The following MARCHF1 variants were observed in gnomAD, a reference collection of about 807,000 sequenced individuals.
MARCHF1 encodes membrane associated ring-CH-type finger 1.
In MARCHF1, 40 loss-of-function variants were observed where a neutral mutation model predicts 54.2. The observed-to-expected ratio is 0.74, with a 90% CI of 0.57 to 0.96. MARCHF1 has a LOEUF of 0.96. Ranked by LOEUF, MARCHF1 falls within the 40% of genes least tolerant of loss-of-function variation. The probability of loss-of-function intolerance (pLI) is 0.00; values close to 1 mark genes in which losing one functional copy is unlikely to be tolerated. For missense variants in MARCHF1, 586 were observed against 656.5 expected (o/e 0.89, Z 1.17); for synonymous variants, 236 against 236.3 (o/e 1.00, Z 0.01).
chr4:164,020,290 T>C (rs1436464498), intron 2 of MARCHF1, among the ~76,000 whole-genome samples: 2 of 152,190 alleles, frequency 1.3e-5, no homozygotes, highest in Non-Finnish European at 2.9e-5. Context: ...GATCTAGTGA[T>C]GTTATACCAA....
chr4:164,016,321 C>G (rs1334346872), intron 2 of MARCHF1, among the ~76,000 whole-genome samples: 1 of 152,096 alleles, frequency 6.6e-6, no homozygotes, highest in African/African-American at 2.4e-5. Context: ...CATCAGATCT[C>G]ATGAGAACTC....
intron 1 of MARCHF1, among the ~76,000 whole-genome samples, chr4:164,123,337 G>A (rs1034525376): frequency 1.3e-5 from 2 of 151,968 alleles, no homozygotes; most frequent in Admixed American, 6.6e-5. Context: ...AATACTCCAC[G>A]TTTAAGGATT....
At chr4:163,564,007 TG>T (rs1739557671) in intron 8 of MARCHF1, among the ~76,000 whole-genome samples, 2 of 152,204 alleles carry the variant, frequency 1.3e-5, no homozygotes, top group African/African-American at 4.8e-5. Flanking sequence ...GCTTTGGCTG[TG>T]AAAGGTTTTA....
chr4:163,930,481 T>C (rs1024661952), intron 3 of MARCHF1, among the ~76,000 whole-genome samples: 4 of 151,088 alleles, frequency 2.6e-5, no homozygotes, highest in African/African-American at 9.7e-5. Flanking sequence ...AAATGGTGTT[T>C]TTTTTTTTTT....
At chr4:164,344,087 G>A (rs894168584) in intron 1 of MARCHF1, among the ~76,000 whole-genome samples, 2 of 152,160 alleles carry the variant, frequency 1.3e-5, no homozygotes, top group Non-Finnish European at 2.9e-5. Context: ...CATGGATGGT[G>A]CTGGAGGCCA....
intron 3 of MARCHF1, among the ~76,000 whole-genome samples, 153 bp downstream of exon 3, chr4:163,988,348 C>A (rs1752909148): frequency 6.6e-6 from 1 of 152,168 alleles, no homozygotes; most frequent in Non-Finnish European, 1.5e-5. Flanking sequence ...TATGTCCCTG[C>A]CAGTTATAAG....
At chr4:164,277,997 C>G (rs2111329510) in intron 1 of MARCHF1, among the ~76,000 whole-genome samples, 1 of 152,306 alleles carries the variant, frequency 6.6e-6, no homozygotes, top group South Asian at 2.1e-4. Context: ...AGGCTTCAAA[C>G]TAATAACCAA....
intron 1 of MARCHF1, among the ~76,000 whole-genome samples, chr4:164,199,631 G>GTCTCTCTCTC (rs1452646305): frequency 2.1e-4 from 21 of 97,896 alleles, no homozygotes; most frequent in African/African-American, 8.3e-4. Flanking sequence ...GCAGGACTCT[G>GTCTCTCTCTC]TCACACACAC....
intron 1 of MARCHF1, among the ~76,000 whole-genome samples, chr4:164,220,514 T>C (rs1011991835): frequency 2.1e-5 from 3 of 145,910 alleles, no homozygotes; most frequent in African/African-American, 7.4e-5. Flanking sequence ...ATGGCATATA[T>C]ATGTAATATA....
intron 3 of MARCHF1, among the ~76,000 whole-genome samples, chr4:163,953,086 T>C (rs1213116207): frequency 6.6e-6 from 1 of 152,162 alleles, no homozygotes; most frequent in Admixed American, 6.5e-5. Flanking sequence ...TCTCTTTAGC[T>C]TTACACCCCT....
At chr4:163,754,811 A>T (rs144073444) in intron 4 of MARCHF1, among the ~76,000 whole-genome samples, 382 of 152,280 alleles carry the variant, frequency 2.5e-3, no homozygotes, top group African/African-American at 8.8e-3. Context: ...TTAGGTTTTA[A>T]TAACAGAAGG....
rs142336233 is a variant in MARCHF1, at chr4:164,029,614, A to C, written c.-247-40905T>G. ...TAACTTTTTTTCTTTTTTCTTTTTGAGATGCAGTCTTGCTCTGTCACCCAG... is the reference window on the plus strand; with the variant it reads ...TAACTTTTTTTCTTTTTTCTTTTTGCGATGCAGTCTTGCTCTGTCACCCAG... On this transcript the variant is annotated intron_variant, in intron 2 of 9. Coordinates refer to ENST00000514618, the MANE Select transcript of MARCHF1 (RefSeq NM_001394959.1). 9.8e-3 allele frequency among the ~76,000 whole-genome samples: 1,487 copies of C among 151,772 alleles called. 11 individuals carry two copies. The highest frequency in any genetic ancestry group is 0.017 in the Non-Finnish European group (1,173 of 67,908).
At chr4:164,296,264 G>A (rs1734409184) in intron 1 of MARCHF1, among the ~76,000 whole-genome samples, 1 of 152,192 alleles carries the variant, frequency 6.6e-6, no homozygotes, top group Admixed American at 6.5e-5. Context: ...GTGAAGATGA[G>A]TCATATTTCT....
At chr4:164,196,948 G>A in intron 1 of MARCHF1, 1 of 1,594,868 alleles carries the variant, frequency 6.3e-7, no homozygotes, top group South Asian at 1.1e-5. Context: ...ATCACAATAG[G>A]AATTTTTCAA....
At chr4:164,191,204 C>G (rs1412138395) in intron 1 of MARCHF1, among the ~76,000 whole-genome samples, 11 of 152,152 alleles carry the variant, frequency 7.2e-5, no homozygotes, top group African/African-American at 2.7e-4. Flanking sequence ...TTAAAGTAAG[C>G]ATGTTCTTTC....
intron 2 of MARCHF1, among the ~76,000 whole-genome samples, chr4:164,071,896 T>C (rs767500990): frequency 1.3e-4 from 20 of 152,210 alleles, no homozygotes; most frequent in Non-Finnish European, 2.4e-4. Flanking sequence ...TTCTGCACTC[T>C]GGTCCAAAAG....
At chr4:164,237,871 A>G (rs180967211) in intron 1 of MARCHF1, among the ~76,000 whole-genome samples, 27 of 152,130 alleles carry the variant, frequency 1.8e-4, no homozygotes, top group Admixed American at 2.6e-4. Context: ...ACAACCTACT[A>G]TCTGTATTAA....
chr4:164,299,250 A>C (rs1218109408), intron 1 of MARCHF1, among the ~76,000 whole-genome samples: 3 of 152,078 alleles, frequency 2.0e-5, no homozygotes, highest in Non-Finnish European at 4.4e-5. Flanking sequence ...GGCCTCCTAG[A>C]CTTAATCTCT....
intron 2 of MARCHF1, among the ~76,000 whole-genome samples, chr4:164,110,123 TACACACACACACAC>T (rs70948699): frequency 2.7e-5 from 4 of 145,932 alleles, no homozygotes; most frequent in South Asian, 2.2e-4. Flanking sequence ...GAATTGGAGA[TACACACACACACAC>T]ACACACACAC....
Sources: gnomAD v4.1 joint callset for allele counts (sites outside exome capture counted in the v4.1 genomes callset) on GRCh38, gnomAD v4.1.1 for gene constraint, MANE v1.5 for transcripts, NCBI Gene and HGNC (gene_info 2026-07-23, HGNC 2026-07-21) for gene names.